The following FER variants were observed in gnomAD, a reference collection of about 807,000 sequenced individuals.
FER encodes the protein tyrosine-protein kinase Fer.
In FER, 63 loss-of-function variants were observed where a neutral mutation model predicts 111.0. That is an observed-to-expected ratio of 0.57 (90% CI 0.46 to 0.70). The LOEUF is 0.70. Ranked by LOEUF, FER falls within the 30% of genes least tolerant of loss-of-function variation. The pLI, the probability that FER is intolerant of heterozygous loss-of-function variation, is 0.00. For synonymous variants in FER, 327 were observed against 313.9 expected (o/e 1.04, Z -0.44); for missense variants, 914 against 954.0 (o/e 0.96, Z 0.55).
intron 16 of FER, among the ~76,000 whole-genome samples, chr5:109,090,230 G>A (rs1244420932): frequency 6.6e-6 from 1 of 152,092 alleles, no homozygotes; most frequent in Non-Finnish European, 1.5e-5. Context: ...GAGATTACAA[G>A]CTCTTAAAAA....
Position 108,897,756 on chromosome 5 carries a change from G to A in FER, c.1144G>A (p.Glu382Lys). Residue 382 changes from glutamate to lysine, a missense_variant, in exon 10 of 20, where the codon GAA becomes AAA. Glu to Lys is a moderately conservative substitution (Grantham distance 56, BLOSUM62 1). Coordinates refer to ENST00000281092, the MANE Select transcript of FER (RefSeq NM_005246.4). The part of the protein sequence containing the change: ...CTEAKFSAQK[E>K]LLEQKVQEND... The stretch of plus-strand genomic sequence containing the variant: ...TGAAGCAAAGTTTTCAGCACAGAAG[G>A]AATTACTAGAGCAAAAAGTGCAAGA... The A allele has an allele frequency of 1.2e-6, 2 of 1,613,566 alleles. No homozygotes were observed. Among genetic ancestry groups the A allele is most frequent in the Non-Finnish European group, 1.7e-6 (2 of 1,179,734 alleles).
chr5:108,964,753 T>G (rs1436245452), intron 13 of FER, among the ~76,000 whole-genome samples: 1 of 152,176 alleles, frequency 6.6e-6, no homozygotes, highest in Non-Finnish European at 1.5e-5. Context: ...AGATTTATGT[T>G]TAATACTGGT....
chr5:108,926,250 C>T (rs1042361927), intron 10 of FER, among the ~76,000 whole-genome samples: 1 of 150,830 alleles, frequency 6.6e-6, no homozygotes, highest in African/African-American at 2.4e-5. Context: ...TTTTTTTATA[C>T]ATACCATCGT....
chr5:109,010,175 C>CT (rs34383386), intron 13 of FER, among the ~76,000 whole-genome samples: 18,069 of 151,816 alleles, frequency 0.12, 1,118 homozygotes, highest in Non-Finnish European at 0.14. Flanking sequence ...TTTTATCCTT[C>CT]TTTTTTTTGA....
At chr5:109,121,520 C>A (rs1455328454) in intron 17 of FER, among the ~76,000 whole-genome samples, 1 of 152,138 alleles carries the variant, frequency 6.6e-6, no homozygotes, top group African/African-American at 2.4e-5. Context: ...ATTTTTGCAT[C>A]AATGTTCATC....
intron 13 of FER, among the ~76,000 whole-genome samples, chr5:108,985,303 G>A (rs772345449): frequency 3.3e-5 from 5 of 151,988 alleles, no homozygotes; most frequent in Non-Finnish European, 5.9e-5. Flanking sequence ...GGACCATAAC[G>A]GGATGATATC....
chr5:109,047,138 A>C lies in FER; in HGVS notation c.1864A>C (p.Lys622Gln). Residue 622 changes from lysine to glutamine, a missense_variant, in exon 16 of 20, where the codon AAA becomes CAA. Around this residue, in one of 3 missense-constraint regions of FER, gnomAD observed 774 missense variants for 782.6 expected, o/e 0.99. Coordinates refer to ENST00000281092, the MANE Select transcript of FER (RefSeq NM_005246.4). ...GCAATATGATCATCCCAATATTGTCAAACTTATAGGAGTTTGCACACAAAG... is the reference window on the plus strand; with the variant it reads ...GCAATATGATCATCCCAATATTGTCCAACTTATAGGAGTTTGCACACAAAG... Reference protein sequence around the residue: ...LKQYDHPNIVKLIGVCTQRQP... With the variant: ...LKQYDHPNIVQLIGVCTQRQP... 6.2e-7 allele frequency: 1 copy of C among 1,607,574 alleles called. No homozygotes were observed. Among genetic ancestry groups the C allele is most frequent in the Non-Finnish European group, 8.5e-7 (1 of 1,176,494 alleles).
chr5:109,127,901 A>T (rs962664035), intron 17 of FER, among the ~76,000 whole-genome samples: 1 of 152,168 alleles, frequency 6.6e-6, no homozygotes, highest in African/African-American at 2.4e-5. Context: ...ATAATATTGA[A>T]ATTCTAATTT....
In FER at chr5:108,867,754, T is replaced by C. The variant is rs780988536; in HGVS notation, c.482-13T>C. The stretch of plus-strand genomic sequence containing the variant: ...TCTCTTTACTAACTTTCTTCAGTTT[T>C]TTTTTTTTTCAGGGAAGGAAACTGA... On this transcript the variant is annotated splice_polypyrimidine_tract_variant and intron_variant, in intron 5 of 19. Coordinates refer to ENST00000281092, the MANE Select transcript of FER (RefSeq NM_005246.4). The C allele has an allele frequency of 1.3e-6, 2 of 1,590,880 alleles. No homozygotes were observed. The highest frequency in any genetic ancestry group is 1.7e-6 in the Non-Finnish European group (2 of 1,173,088).
In FER at chr5:108,834,327, T is replaced by C. The variant is rs1290815047; in HGVS notation, c.382-1381T>C. Among the ~76,000 whole-genome samples the C allele has an allele frequency of 4.6e-5, 7 of 152,304 alleles. No individual in the cohort carries two copies. In the East Asian group the frequency reaches 1.4e-3, roughly 29 times the overall value. On this transcript the variant is annotated intron_variant, in intron 4 of 19. Transcript: ENST00000281092. Reference sequence around the variant, plus strand: ...TCTTGCAGTTTTATATCAGGAGGTATATAATGTTGATTTATCTTTTTATTA... The same window carrying C: ...TCTTGCAGTTTTATATCAGGAGGTACATAATGTTGATTTATCTTTTTATTA...
chr5:109,066,928 T>A (rs1174570224), intron 16 of FER, among the ~76,000 whole-genome samples: 1 of 152,186 alleles, frequency 6.6e-6, no homozygotes, highest in Admixed American at 6.5e-5. Context: ...GCAGGTGGAA[T>A]CTATTTTGTT....
Position 108,811,295 on chromosome 5 carries a change from T to C in FER, c.207+12906T>C, listed in dbSNP as rs1419364212. Among the ~76,000 whole-genome samples, 3 of 152,194 alleles carry C rather than the reference T, an allele frequency of 2.0e-5. No homozygotes were observed. In the East Asian group the frequency reaches 5.8e-4, roughly 29 times the overall value. ...AGATCTGCCTGGGTATGGAGTGGAG[T>C]GGGCCCCAAAATACCATGTTATATT... is the stretch of plus-strand genomic sequence containing the variant. On this transcript the variant is annotated intron_variant, in intron 3 of 19. Coordinates refer to ENST00000281092, the MANE Select transcript of FER (RefSeq NM_005246.4).
chr5:108,933,847 T>A (rs1755056807), intron 10 of FER, among the ~76,000 whole-genome samples: 1 of 152,160 alleles, frequency 6.6e-6, no homozygotes, highest in African/African-American at 2.4e-5. Flanking sequence ...TTCCTAGATA[T>A]TTTATTCTCT....
chr5:108,754,623 A>G (rs1052979213), intron 1 of FER, among the ~76,000 whole-genome samples: 1 of 152,178 alleles, frequency 6.6e-6, no homozygotes, highest in Admixed American at 6.5e-5. Context: ...AAAAGTTAGA[A>G]TAACTTAATG....
chr5:108,983,825 G>GC (rs1384126023), intron 13 of FER, among the ~76,000 whole-genome samples: 1 of 152,126 alleles, frequency 6.6e-6, no homozygotes, highest in East Asian at 1.9e-4. Flanking sequence ...TTCCAAAAAT[G>GC]CATAGAATTA....
chr5:108,750,146 C>T (rs140974934), intron 1 of FER, among the ~76,000 whole-genome samples: 11 of 152,174 alleles, frequency 7.2e-5, no homozygotes, highest in African/African-American at 2.6e-4. Flanking sequence ...TAATAAATTT[C>T]TCAGATGAGG....
intron 1 of FER, among the ~76,000 whole-genome samples, chr5:108,756,956 T>G (rs2149918329): frequency 6.6e-6 from 1 of 152,340 alleles, no homozygotes; most frequent in Non-Finnish European, 1.5e-5. Flanking sequence ...AAAAGTGTGA[T>G]GCACTTTTGT....
intron 16 of FER, among the ~76,000 whole-genome samples, chr5:109,093,727 T>C (rs572556832): frequency 4.6e-5 from 7 of 152,296 alleles, no homozygotes; most frequent in African/African-American, 1.7e-4. Context: ...CTTTTAAAAA[T>C]GTAAGGAAGC....
chr5:109,034,133 C>T (rs931255716), intron 13 of FER, among the ~76,000 whole-genome samples: 1 of 152,180 alleles, frequency 6.6e-6, no homozygotes, highest in African/African-American at 2.4e-5. Context: ...CAACTTATCT[C>T]CATTCCTCAA....
Sources: allele counts gnomAD v4.1 joint callset (sites outside exome capture counted in the v4.1 genomes callset), GRCh38; gene constraint gnomAD v4.1.1; regional missense constraint gnomAD v4.1.1; transcripts MANE v1.5; gene names NCBI Gene and HGNC (gene_info 2026-07-23, HGNC 2026-07-21).